DOCK10: variants seen among roughly 807,000 people sequenced by gnomAD.
DOCK10 encodes dedicator of cytokinesis 10.
DOCK10 carries 145 observed loss-of-function variants against 280.1 expected under a neutral mutation model. That is an observed-to-expected ratio of 0.52 (90% CI 0.45 to 0.59). The LOEUF (loss-of-function observed/expected upper bound fraction) is 0.59, where lower values mean the gene tolerates loss of function less well. Ranked by LOEUF, DOCK10 falls within the 20% of genes least tolerant of loss-of-function variation. The pLI is 0.00. For missense variants in DOCK10, 2,368 were observed against 2,651.7 expected (o/e 0.89, Z 2.35); for synonymous variants, 915 against 942.2 (o/e 0.97, Z 0.53).
intron 3 of DOCK10, among the ~76,000 whole-genome samples, chr2:224,905,342 G>T (rs998456767): frequency 1.3e-5 from 2 of 149,352 alleles, no homozygotes; most frequent in Non-Finnish European, 2.9e-5. Flanking sequence ...CCGCTTCCCG[G>T]GTTCACGCCA....
chr2:225,035,569 T>TA (rs1559986594), intron 1 of DOCK10, among the ~76,000 whole-genome samples: 2 of 52,214 alleles, frequency 3.8e-5, no homozygotes, highest in Non-Finnish European at 9.9e-5. Context: ...TATATATATA[T>TA]ATATATATAT....
intron 40 of DOCK10, among the ~76,000 whole-genome samples, chr2:224,801,282 CAAAAAAA>C (rs3083075): frequency 4.0e-5 from 3 of 74,642 alleles, no homozygotes; most frequent in Middle Eastern, 8.9e-3. Flanking sequence ...CAAGACATGG[CAAAAAAA>C]AAAAAAAAAA....
intron 1 of DOCK10, among the ~76,000 whole-genome samples, chr2:224,953,715 G>A (rs1475201667): frequency 1.3e-5 from 2 of 152,274 alleles, no homozygotes; most frequent in Non-Finnish European, 2.9e-5. Context: ...CGGTTTTTGC[G>A]ATTATTTTTA....
At chr2:224,849,668 A>C in intron 18 of DOCK10, 69 bp from the exon 19 acceptor site, 3 of 1,146,520 alleles carry the variant, frequency 2.6e-6, no homozygotes, top group Non-Finnish European at 3.8e-6. Flanking sequence ...AAAAAAGTCC[A>C]TAACTCTTCA....
intron 1 of DOCK10, among the ~76,000 whole-genome samples, chr2:225,024,448 TTTTTAAA>T (rs1284232299): frequency 2.6e-5 from 4 of 152,190 alleles, no homozygotes; most frequent in Non-Finnish European, 5.9e-5. Flanking sequence ...GAATGAATAA[TTTTTAAA>T]TTTTAAGTAT....
At chr2:224,807,582 A>T (rs1261173193) in intron 33 of DOCK10, 86 bp downstream of exon 33, 1 of 841,796 alleles carries the variant, frequency 1.2e-6, no homozygotes, top group Non-Finnish European at 1.9e-6. Context: ...CACAGATGAG[A>T]AGAAATGGTT....
At chr2:224,960,959 C>T (rs1245813009) in intron 1 of DOCK10, among the ~76,000 whole-genome samples, 2 of 151,898 alleles carry the variant, frequency 1.3e-5, no homozygotes, top group Admixed American at 6.6e-5. Context: ...AGGATGGTCT[C>T]GATCTCCTGA....
intron 1 of DOCK10, among the ~76,000 whole-genome samples, chr2:225,037,804 T>G (rs1690302033): frequency 6.6e-6 from 1 of 152,262 alleles, no homozygotes; most frequent in Non-Finnish European, 1.5e-5. Context: ...CCTATACATG[T>G]TGACTCATTC....
At chr2:224,982,455 A>G (rs1361982346) in intron 1 of DOCK10, 2 of 1,229,238 alleles carry the variant, frequency 1.6e-6, no homozygotes, top group Middle Eastern at 3.1e-4. Context: ...AACAGCCTAC[A>G]CTGCAGCTGC....
chr2:224,953,970 G>T (rs1187062166), intron 1 of DOCK10, among the ~76,000 whole-genome samples: 1 of 152,056 alleles, frequency 6.6e-6, no homozygotes, highest in Non-Finnish European at 1.5e-5. Context: ...TGTGTGTGTG[G>T]GGTAGATGTT....
At chr2:224,943,012 CT>C (rs1191528081) in intron 1 of DOCK10, among the ~76,000 whole-genome samples, 1 of 152,062 alleles carries the variant, frequency 6.6e-6, no homozygotes, top group African/African-American at 2.4e-5. Flanking sequence ...GAAATGATCT[CT>C]TTATTGACTT....
At chr2:224,962,471 G>A (rs192804857) in intron 1 of DOCK10, among the ~76,000 whole-genome samples, 33 of 152,278 alleles carry the variant, frequency 2.2e-4, no homozygotes, top group African/African-American at 7.9e-4. Flanking sequence ...AATAACCGAT[G>A]ATATCTCTGA....
chr2:224,884,348 G>A (rs1161132378), intron 7 of DOCK10, among the ~76,000 whole-genome samples: 1 of 152,182 alleles, frequency 6.6e-6, no homozygotes, highest in Admixed American at 6.5e-5. Context: ...CTCGTAACAA[G>A]CTAGGTGAAT....
chr2:224,947,797 G>C (rs1168232690), intron 1 of DOCK10, among the ~76,000 whole-genome samples: 1 of 151,874 alleles, frequency 6.6e-6, no homozygotes, highest in African/African-American at 2.4e-5. Context: ...TTTTACTCAG[G>C]GTCTCTTCCT....
At chr2:224,985,188 C>T (rs1230124616) in intron 1 of DOCK10, among the ~76,000 whole-genome samples, 1 of 152,116 alleles carries the variant, frequency 6.6e-6, no homozygotes, top group Non-Finnish European at 1.5e-5. Context: ...CTGCCTTCTT[C>T]CCCTAGTAGG....
chr2:224,982,274 G>A (rs964321051), intron 1 of DOCK10: 11 of 1,231,862 alleles, frequency 8.9e-6, no homozygotes, highest in African/African-American at 1.6e-5. Flanking sequence ...TTCGTGGGAT[G>A]GTTCCTCTTG....
At chr2:225,004,060 A>G (rs1706508697) in intron 1 of DOCK10, among the ~76,000 whole-genome samples, 1 of 152,220 alleles carries the variant, frequency 6.6e-6, no homozygotes, top group African/African-American at 2.4e-5. Context: ...CTGTGATGTA[A>G]GTATCATGAT....
chr2:224,821,276 T>C (rs1694486748), intron 28 of DOCK10, among the ~76,000 whole-genome samples: 1 of 152,256 alleles, frequency 6.6e-6, no homozygotes, highest in Non-Finnish European at 1.5e-5. Context: ...AATAATATTT[T>C]AATTGTTAAA....
intron 55 of DOCK10, among the ~76,000 whole-genome samples, chr2:224,767,712 A>C (rs1338107637): frequency 6.6e-6 from 1 of 152,110 alleles, no homozygotes; most frequent in African/African-American, 2.4e-5. Flanking sequence ...GTACTGAGTT[A>C]AGATGGTACT....
Sources: allele counts gnomAD v4.1 joint callset (sites outside exome capture counted in the v4.1 genomes callset), GRCh38; gene constraint gnomAD v4.1.1; transcripts MANE v1.5; gene names NCBI Gene and HGNC (gene_info 2026-07-23, HGNC 2026-07-21).